KCNH5: variants seen among roughly 807,000 people sequenced by gnomAD.
KCNH5 encodes the protein voltage-gated delayed rectifier potassium channel KCNH5.
A neutral mutation model predicts 96.1 loss-of-function variants in KCNH5; 46 were observed. The observed-to-expected ratio is 0.48, with a 90% confidence interval of 0.38 to 0.61. KCNH5 has a LOEUF of 0.61. Among genes scored for constraint, KCNH5 ranks in the 20% least tolerant of loss-of-function variants. The pLI, the probability that KCNH5 is intolerant of heterozygous loss-of-function variation, is 0.00. For synonymous variants in KCNH5, 439 were observed against 449.8 expected, an observed-to-expected ratio of 0.98 and a Z score of 0.30; for missense variants, 907 against 1,225.8, an observed-to-expected ratio of 0.74 and a Z score of 3.88.
At chr14:62,885,005 G>C (rs1032909092) in intron 7 of KCNH5, among the ~76,000 whole-genome samples, 1 of 152,056 alleles carries the variant, frequency 6.6e-6, no homozygotes, top group Non-Finnish European at 1.5e-5. Context: ...AAACAACAAC[G>C]ATCTCAAATC....
intron 6 of KCNH5, among the ~76,000 whole-genome samples, chr14:62,967,930 T>A (rs537731901): frequency 2.6e-5 from 4 of 152,276 alleles, no homozygotes; most frequent in South Asian, 2.1e-4. Context: ...GATAAAAAAA[T>A]TTTTATGTAA....
chr14:62,771,911 G>T (rs1885995895), intron 10 of KCNH5, among the ~76,000 whole-genome samples: 1 of 152,082 alleles, frequency 6.6e-6, no homozygotes. Flanking sequence ...AACCACAAGA[G>T]GGTTTATACC....
chr14:62,757,651 C>T (rs776194974), intron 10 of KCNH5, among the ~76,000 whole-genome samples: 1 of 150,630 alleles, frequency 6.6e-6, no homozygotes, highest in Non-Finnish European at 1.5e-5. Flanking sequence ...CAGACATTTG[C>T]AACAACATGG....
chr14:62,711,736 G>A (rs1884572763), intron 10 of KCNH5, among the ~76,000 whole-genome samples: 1 of 152,158 alleles, frequency 6.6e-6, no homozygotes, highest in Non-Finnish European at 1.5e-5. Flanking sequence ...TACTGGCTAG[G>A]ATCCCCTAGA....
rs377186371 is a variant in KCNH5 at position 63,030,396 on chromosome 14, A to G, written c.74-13442T>C. On this transcript the variant is annotated intron_variant, in intron 1 of 10. Coordinates refer to ENST00000322893, the MANE Select transcript of KCNH5 (RefSeq NM_139318.5). ...GACTTGAAAACAACTCATTATATTCATTCAAGACTATGCAGTATCCTATCA... is the reference window on the plus strand; with the variant it reads ...GACTTGAAAACAACTCATTATATTCGTTCAAGACTATGCAGTATCCTATCA... Among the ~76,000 whole-genome samples, 65 of 152,324 alleles carry G rather than the reference A, an allele frequency of 4.3e-4. 5 individuals carry two copies. The South Asian group carries it at 5.0e-3, about 12-fold the overall frequency.
At chr14:62,881,393 G>A (rs1888488926) in intron 7 of KCNH5, among the ~76,000 whole-genome samples, 3 of 149,810 alleles carry the variant, frequency 2.0e-5, no homozygotes, top group Admixed American at 2.0e-4. Flanking sequence ...TTCTGTTTTT[G>A]TTTAAAATTC....
In KCNH5 at chr14:63,006,466, C is replaced by T. The variant is rs774026617; in HGVS notation, c.204G>A (p.Met68Ile). The change falls in exon 3 of 11, where the codon ATG becomes ATA. Residue 68 changes from methionine to isoleucine, a missense_variant. Around this residue, in one of 6 missense-constraint regions of KCNH5, gnomAD observed 370 missense variants for 561.3 expected, o/e 0.66. Transcript: ENST00000322893. ...VMQKSSTCSFMYGELTDKKTI... is the reference protein window; with the variant it reads ...VMQKSSTCSFIYGELTDKKTI... ...TCTTCTTGTCAGTCAATTCCCCATACATAAAACTGGGGGGGAAAAAAAACA... is the reference window on the plus strand; with the variant it reads ...TCTTCTTGTCAGTCAATTCCCCATATATAAAACTGGGGGGGAAAAAAAACA... 1.9e-6 allele frequency: 3 copies of T among 1,592,454 alleles called. No homozygotes were observed. The Admixed American group carries it at 5.0e-5, about 27-fold the overall frequency.
At chr14:62,846,560 G>A (rs1307551916) in intron 8 of KCNH5, among the ~76,000 whole-genome samples, 1 of 151,448 alleles carries the variant, frequency 6.6e-6, no homozygotes, top group African/African-American at 2.4e-5. Flanking sequence ...GTTAGGTCAT[G>A]AGTGAAGACC....
intron 8 of KCNH5, among the ~76,000 whole-genome samples, chr14:62,808,546 A>T (rs1195905268): frequency 6.6e-6 from 1 of 152,156 alleles, no homozygotes; most frequent in Non-Finnish European, 1.5e-5. Context: ...TCAGTTTAAC[A>T]TTAATAGTAC....
At chr14:62,710,949 T>C (rs748739201) in intron 10 of KCNH5, among the ~76,000 whole-genome samples, 2 of 152,212 alleles carry the variant, frequency 1.3e-5, no homozygotes, top group African/African-American at 2.4e-5. Flanking sequence ...CCTATTGGTA[T>C]ATAATAGACA....
chr14:62,723,745 G>A (rs973949507), intron 10 of KCNH5, among the ~76,000 whole-genome samples: 1 of 152,170 alleles, frequency 6.6e-6, no homozygotes, highest in African/African-American at 2.4e-5. Context: ...CTAAGCATCA[G>A]GTGTACAGAA....
intron 8 of KCNH5, among the ~76,000 whole-genome samples, chr14:62,844,920 T>C (rs1887660001): frequency 6.6e-6 from 1 of 152,178 alleles, no homozygotes; most frequent in Non-Finnish European, 1.5e-5. Flanking sequence ...ATCTCAGTCA[T>C]TGGGGCGAAG....
chr14:63,044,049 T>G (rs534755764), intron 1 of KCNH5, among the ~76,000 whole-genome samples: 1 of 152,302 alleles, frequency 6.6e-6, no homozygotes, highest in East Asian at 1.9e-4. Context: ...TGGAACTGCA[T>G]AGAGTATTTC....
chr14:62,898,525 A>G (rs558732723), intron 7 of KCNH5, among the ~76,000 whole-genome samples: 18 of 152,322 alleles, frequency 1.2e-4, no homozygotes, highest in African/African-American at 3.8e-4. Flanking sequence ...TTGGCAATTC[A>G]AACTAATGTA....
chr14:62,964,557 AG>A (rs1890270724), intron 6 of KCNH5, among the ~76,000 whole-genome samples: 1 of 152,110 alleles, frequency 6.6e-6, no homozygotes, highest in Non-Finnish European at 1.5e-5. Flanking sequence ...ACTCTGACCA[AG>A]ATGACCTTAA....
At chr14:63,025,844 C>T (rs1302639840) in intron 1 of KCNH5, among the ~76,000 whole-genome samples, 1 of 142,632 alleles carries the variant, frequency 7.0e-6, no homozygotes, top group East Asian at 2.2e-4. Context: ...AGACATGTTT[C>T]ACAGAAACAG....
intron 1 of KCNH5, among the ~76,000 whole-genome samples, chr14:63,022,615 C>T (rs940790679): frequency 3.9e-5 from 6 of 152,116 alleles, no homozygotes; most frequent in African/African-American, 7.2e-5. Context: ...CCCTTGCCCA[C>T]GATACTCGCC....
At position 62,801,565 on chromosome 14, in the gene KCNH5, T is replaced by G. The variant is rs1886661913; in HGVS notation, c.1822+764A>C. Among the ~76,000 whole-genome samples, 5 of 151,222 alleles carry G rather than the reference T, an allele frequency of 3.3e-5. No homozygotes were observed. The South Asian group carries it at 1.1e-3, about 32-fold the overall frequency. On this transcript the variant is annotated intron_variant, in intron 9 of 10. Transcript: ENST00000322893. ...CACTGTCCCCAAACATGCAACATTT[T>G]TTATTTTATCACTTATATATACTGT...
chr14:62,731,174 G>A (rs1332203963), intron 10 of KCNH5, among the ~76,000 whole-genome samples: 1 of 151,854 alleles, frequency 6.6e-6, no homozygotes, highest in Non-Finnish European at 1.5e-5. Flanking sequence ...GGTGGTGGGT[G>A]CCTATAATCC....
Sources: gnomAD v4.1 joint callset for allele counts (sites outside exome capture counted in the v4.1 genomes callset) on GRCh38, gnomAD v4.1.1 for gene constraint, gnomAD v4.1.1 regional missense constraint, MANE v1.5 for transcripts, NCBI Gene and HGNC (gene_info 2026-07-23, HGNC 2026-07-21) for gene names.